ADCYAP1: variants seen among roughly 807,000 people sequenced by gnomAD.
The protein encoded by ADCYAP1 is pituitary adenylate cyclase-activating polypeptide.
In ADCYAP1, 6 loss-of-function variants were observed where a neutral mutation model predicts 18.5. The ratio of observed to expected loss-of-function variants is 0.32; its 90% CI spans 0.18 to 0.64. The LOEUF (loss-of-function observed/expected upper bound fraction) is 0.64. Ranked by LOEUF, ADCYAP1 falls within the 30% of genes least tolerant of loss-of-function variation. ADCYAP1 has a pLI of 0.77. For missense variants in ADCYAP1, 314 were observed against 253.6 expected (o/e 1.24, Z -1.62); for synonymous variants, 136 against 113.9 (o/e 1.19, Z -1.24).
At chr18:905,586 C>A in intron 2 of ADCYAP1, 90 bp downstream of exon 2, 3 of 1,449,578 alleles carry the variant, frequency 2.1e-6, no homozygotes, top group South Asian at 2.4e-5. Context: ...TCCTTTGGGT[C>A]CAGACTACTA....
chr18:909,007 A>T (rs899631291), intron 4 of ADCYAP1, among the ~76,000 whole-genome samples: 1 of 152,188 alleles, frequency 6.6e-6, no homozygotes, highest in African/African-American at 2.4e-5. Flanking sequence ...TTGACTAGGA[A>T]TTGCAGGATC....
rs1336238255 is a variant in ADCYAP1, at chr18:910,836, C to T, written c.*1201C>T. ...TCCTGCACTGTTTAAGTACTGTTTACCATTTTTCATTCACTTCTCTTAAAC... is the reference window on the plus strand; with the variant it reads ...TCCTGCACTGTTTAAGTACTGTTTATCATTTTTCATTCACTTCTCTTAAAC... On this transcript the variant is annotated 3_prime_UTR_variant, in exon 5 of 5. Transcript: ENST00000450565. The T allele has an allele frequency of 6.6e-6, 1 of 151,972 alleles. No homozygotes were observed. Among genetic ancestry groups the T allele is most frequent in the African/African-American group, 2.4e-5 (1 of 41,364 alleles). 9.4% of individuals were successfully genotyped at this position (151,972 alleles called of 1,614,324 possible).
At position 907,766 on chromosome 18, in the gene ADCYAP1, C is replaced by T. The variant is rs1395923101; in HGVS notation, c.218C>T (p.Ala73Val). 20 of 1,469,248 alleles carry T rather than the reference C, an allele frequency of 1.4e-5. No homozygotes were observed. Among genetic ancestry groups the T allele is most frequent in the Non-Finnish European group, 1.6e-5 (18 of 1,121,792 alleles). The allele number at this position is 1,469,248 out of a possible 1,614,324, so 91.0% of individuals were successfully genotyped here. The change falls in exon 3 of 5, where the codon GCC (alanine) becomes GTC (valine). Residue 73 changes from alanine to valine, a missense_variant. By Grantham distance (64) the Ala-to-Val change is moderately conservative (BLOSUM62 0). Coordinates refer to ENST00000450565, the MANE Select transcript of ADCYAP1 (RefSeq NM_001099733.2). ...SPASAPRAAAAWYRPAGRRDV... is the reference protein window; with the variant it reads ...SPASAPRAAAVWYRPAGRRDV... ...GCCTCCGCGCCGCGCGCCGCCGCCG[C>T]CTGGTACCGCCCGGCCGGGAGAAGG...
chr18:909,303 C>T, intron 4 of ADCYAP1, 143 bp from the exon 5 acceptor site: 1 of 759,552 alleles, frequency 1.3e-6, no homozygotes, highest in South Asian at 2.1e-5. Flanking sequence ...TGCTTCCAGG[C>T]AGAGGCGGGC....
intron 2 of ADCYAP1, chr18:905,880 G>T (rs1431600284): frequency 3.9e-6 from 1 of 256,528 alleles, no homozygotes; most frequent in Non-Finnish European, 7.4e-6. Flanking sequence ...CTGGCCGGGG[G>T]TTGAGCGTGA....
rs1909405449 is a variant in ADCYAP1 at position 912,032 on chromosome 18, A to G, written c.*2397A>G. Reference sequence around the variant, plus strand: ...TAATTTAGGTAGATGTTAGTCTTGAAGCTCTTATTTTGTGTGCAACTGATT... The same window carrying G: ...TAATTTAGGTAGATGTTAGTCTTGAGGCTCTTATTTTGTGTGCAACTGATT... On this transcript the variant is annotated 3_prime_UTR_variant, in exon 5 of 5. Coordinates refer to ENST00000450565, the MANE Select transcript of ADCYAP1 (RefSeq NM_001099733.2). The G allele has an allele frequency of 6.6e-6, 1 of 152,218 alleles. No individual in the cohort carries two copies. The allele number at this position is 152,218 out of a possible 1,614,324, so 9.4% of individuals were successfully genotyped here.
chr18:907,605 G>C, intron 2 of ADCYAP1, 54 bp from the exon 3 acceptor site: 1 of 1,537,072 alleles, frequency 6.5e-7, no homozygotes, highest in Admixed American at 1.9e-5. Flanking sequence ...GATCCTCGCC[G>C]AGCTGGGGAG....
intron 4 of ADCYAP1, 97 bp from the exon 5 acceptor site, chr18:909,349 G>T: frequency 1.6e-6 from 2 of 1,265,704 alleles, no homozygotes; most frequent in Non-Finnish European, 1.1e-6. Context: ...GGCCCTCCCC[G>T]AAGGCTCCCG....
chr18:908,319 GT>G lies in ADCYAP1; in HGVS notation c.298del (p.Ser100ProfsTer59). On this transcript the variant is annotated frameshift_variant, in exon 4 of 5. Coordinates refer to ENST00000450565, the MANE Select transcript of ADCYAP1 (RefSeq NM_001099733.2). LOFTEE classifies it high-confidence loss of function. ...CCTACCGCAAAGTGCTGGACCAGCT[GT>G]CCGCCGGGAAGCACCTGCAGTCGCT... ...EAYRKVLDQLSAGKHLQSLVA... is the reference protein window; with the variant it reads ...EAYRKVLDQLXAGKHLQSLVA... 1 of 1,613,420 alleles carries G rather than the reference GT, an allele frequency of 6.2e-7. No homozygotes were observed. Among genetic ancestry groups the G allele is most frequent in the Non-Finnish European group, 8.5e-7 (1 of 1,179,794 alleles).
intron 4 of ADCYAP1, among the ~76,000 whole-genome samples, chr18:908,984 G>A (rs1164482010): frequency 2.6e-5 from 4 of 152,196 alleles, no homozygotes; most frequent in South Asian, 2.1e-4. Context: ...AGGAGGGAGA[G>A]GAGTGTTCAT....
intron 4 of ADCYAP1, 129 bp from the exon 5 acceptor site, chr18:909,317 G>T (rs1329837526): frequency 2.3e-6 from 2 of 857,530 alleles, no homozygotes; most frequent in East Asian, 2.9e-5. Flanking sequence ...GGCGGGCGAC[G>T]CGGTGGGCAG....
chr18:905,407 G>A lies in ADCYAP1; in HGVS notation c.21G>A (p.Ala7=), dbSNP rs1909125012. 3.1e-6 allele frequency: 5 copies of A among 1,613,110 alleles called. No individual in the cohort carries two copies. Among genetic ancestry groups the A allele is most frequent in the East Asian group, 4.5e-5 (2 of 44,868 alleles). ...GCAGAATGACCATGTGTAGCGGAGCGAGGCTGGCCCTGCTGGTCTATGGGA... is the reference window on the plus strand; with the variant it reads ...GCAGAATGACCATGTGTAGCGGAGCAAGGCTGGCCCTGCTGGTCTATGGGA... MTMCSG[A]RLALLVYGII... Residue 7 remains alanine (A), a synonymous_variant, in exon 2 of 5, where the codon GCG becomes GCA. Coordinates refer to ENST00000450565, the MANE Select transcript of ADCYAP1 (RefSeq NM_001099733.2).
Position 909,909 on chromosome 18 carries a change from GTAT to G in ADCYAP1, c.*275_*277del, listed in dbSNP as rs1196919382. Reference sequence around the variant, plus strand: ...ATATATATATATATATATATATAAAGTATAGAGAGAAGTTCATACAAAGCGTGC... The same window carrying G: ...ATATATATATATATATATATATAAAGAGAGAGAAGTTCATACAAAGCGTGC... On this transcript the variant is annotated 3_prime_UTR_variant, in exon 5 of 5. Coordinates refer to ENST00000450565, the MANE Select transcript of ADCYAP1 (RefSeq NM_001099733.2). 2.2e-5 allele frequency: 3 copies of G among 139,430 alleles called. No homozygotes were observed. In the East Asian group the frequency reaches 6.3e-4, roughly 29 times the overall value. The allele number at this position is 139,430 out of a possible 1,614,324, so 8.6% of individuals were successfully genotyped here.
chr18:909,906 A>ATATATAT lies in ADCYAP1; in HGVS notation c.*271_*272insTATATAT, dbSNP rs1909329321. The ATATATAT allele has an allele frequency of 7.1e-6, 1 of 141,096 alleles. No individual in the cohort carries two copies. The highest frequency in any genetic ancestry group is 2.3e-4 in the South Asian group (1 of 4,386). The allele number at this position is 141,096 out of a possible 1,614,324, so 8.7% of individuals were successfully genotyped here. A position where few individuals can be genotyped will look rare whatever the true frequency, so the allele number is the denominator to read the frequency against. On this transcript the variant is annotated 3_prime_UTR_variant, in exon 5 of 5. Transcript: ENST00000450565. ...TATATATATATATATATATATATAT[A>ATATATAT]AAGTATAGAGAGAAGTTCATACAAA...
chr18:907,695 G>A lies in ADCYAP1; in HGVS notation c.147G>A (p.Pro49=), dbSNP rs1321110930. The change falls in exon 3 of 5, where the codon CCG becomes CCA. Residue 49 remains proline (P), a synonymous_variant. Coordinates refer to ENST00000450565, the MANE Select transcript of ADCYAP1 (RefSeq NM_001099733.2). ...AGGCGTACGGCGAGGACGGAAACCC[G>A]CTGCCAGACTTCGATGGCTCGGAGC... is the stretch of plus-strand genomic sequence containing the variant. ...EEEAYGEDGN[P]LPDFDGSEPP... The A allele has an allele frequency of 1.3e-6, 2 of 1,569,586 alleles. No homozygotes were observed. The highest frequency in any genetic ancestry group is 1.2e-5 in the South Asian group (1 of 86,606).
chr18:909,359 G>A (rs746977394), intron 4 of ADCYAP1, 87 bp from the exon 5 acceptor site: 2 of 1,360,434 alleles, frequency 1.5e-6, no homozygotes, highest in African/African-American at 2.9e-5. Flanking sequence ...GAAGGCTCCC[G>A]CGTGGGGTGG....
At position 909,632 on chromosome 18, in the gene ADCYAP1, G is replaced by A; in HGVS notation, c.528G>A (p.Leu176=). ...ACAAAGGACGCCGAATAGCTTATTTGTAGCGATGGGTTACCAGCTACCCTG... is the reference window on the plus strand; with the variant it reads ...ACAAAGGACGCCGAATAGCTTATTTATAGCGATGGGTTACCAGCTACCCTG... ...VKNKGRRIAY[L] is the part of the protein sequence containing the mutation. The change falls in exon 5 of 5, where the codon TTG becomes TTA. Residue 176 remains leucine, a synonymous_variant. Coordinates refer to ENST00000450565, the MANE Select transcript of ADCYAP1 (RefSeq NM_001099733.2). 6.2e-7 allele frequency: 1 copy of A among 1,613,124 alleles called. No individual in the cohort carries two copies. Among genetic ancestry groups the A allele is most frequent in the South Asian group, 1.1e-5 (1 of 90,986 alleles).
upstream of ADCYAP1, chr18:904,571 A>G: frequency 7.8e-7 from 1 of 1,287,764 alleles, no homozygotes; most frequent in South Asian, 1.2e-5. Flanking sequence ...GCAGCTTCAG[A>G]GGCAGCCGGA....
intron 3 of ADCYAP1, 147 bp downstream of exon 3, chr18:907,937 G>C: frequency 7.5e-7 from 1 of 1,327,338 alleles, no homozygotes; most frequent in Middle Eastern, 2.8e-4. Flanking sequence ...CGATCCTATT[G>C]CAGCGACAGA....
Sources: gnomAD v4.1 joint callset for allele counts (sites outside exome capture counted in the v4.1 genomes callset) on GRCh38, gnomAD v4.1.1 for gene constraint, MANE v1.5 for transcripts, NCBI Gene and HGNC (gene_info 2026-07-23, HGNC 2026-07-21) for gene names.